The following ZNF83 variants were observed in gnomAD, a reference collection of about 807,000 sequenced individuals.
The protein encoded by ZNF83 is zinc finger protein 816B.
For missense variants in ZNF83, 552 were observed against 629.9 expected (o/e 0.88, Z 1.32); for synonymous variants, 209 against 213.0 (o/e 0.98, Z 0.17).
chr19:52,680,643 C>G (rs372516208), intron 1 of ZNF83, among the ~76,000 whole-genome samples: 2 of 117,980 alleles, frequency 1.7e-5, no homozygotes, highest in Non-Finnish European at 3.2e-5. Flanking sequence ...GACGGAGTCT[C>G]GCTCTGTCGC....
intron 2 of ZNF83, among the ~76,000 whole-genome samples, chr19:52,623,338 T>A (rs565572607): frequency 2.0e-5 from 3 of 152,296 alleles, no homozygotes; most frequent in Middle Eastern, 3.4e-3. Context: ...GGCTAACCAC[T>A]CCACATTACC....
In ZNF83 at chr19:52,614,599, A is replaced by ACACG. The variant is rs2060242537; in HGVS notation, c.-39_-36dup. The ACACG allele has an allele frequency of 6.5e-7, 1 of 1,535,636 alleles. No individual in the cohort carries two copies. Among genetic ancestry groups the ACACG allele is most frequent in the South Asian group, 1.3e-5 (1 of 77,078 alleles). ...ACCAATGAGACTTTCCTTATAGGTCACACGCACTCGCTTATAATGTCTTCA... is the reference window on the plus strand; with the variant it reads ...ACCAATGAGACTTTCCTTATAGGTCACACGCACGCACTCGCTTATAATGTCTTCA... On this transcript the variant is annotated 5_prime_UTR_variant, in exon 3 of 3. It removes the in-frame stop codon of an upstream open reading frame in the 5' UTR. Transcript: ENST00000301096.
At chr19:52,685,209 G>A (rs2061994235) in intron 1 of ZNF83, among the ~76,000 whole-genome samples, 1 of 152,102 alleles carries the variant, frequency 6.6e-6, no homozygotes, top group Non-Finnish European at 1.5e-5. Context: ...CTCAGGGTGA[G>A]CTTTTCTGGT....
In ZNF83 at chr19:52,659,911, C is replaced by T. The variant is rs78623369; in HGVS notation, c.-201+851G>A. On this transcript the variant is annotated intron_variant, in intron 2 of 5. Coordinates refer to the ZNF83 transcript ENST00000594682. ...GTAATATTATCAAGATATTTCTCGG[C>T]TGGGTGGGCGGTAACTCACGCCTGT... 9.2e-5 allele frequency among the ~76,000 whole-genome samples: 14 copies of T among 152,248 alleles called. No homozygotes were observed. In the East Asian group the frequency reaches 2.7e-3, roughly 29 times the overall value.
At chr19:52,644,164 GTTTCTTCCATTCTTCTTTTTTTTTTT>G (rs2061343674) in intron 3 of ZNF83, among the ~76,000 whole-genome samples, 1 of 144,506 alleles carries the variant, frequency 6.9e-6, no homozygotes, top group South Asian at 2.2e-4. Flanking sequence ...CTACAACTCT[GTTTCTTCCATTCTTCTTTTTTTTTTT>G]TTCATTTTTA....
intron 1 of ZNF83, among the ~76,000 whole-genome samples, chr19:52,661,925 C>T (rs2061585702): frequency 6.6e-6 from 1 of 152,088 alleles, no homozygotes; most frequent in Non-Finnish European, 1.5e-5. Flanking sequence ...GAGTCCTAGG[C>T]CGAGGGACAG....
At chr19:52,639,415 A>ATTTTTTTTTTTTTTTTTTTTTT (rs1160711365), upstream of ZNF83, among the ~76,000 whole-genome samples, 4 of 86,308 alleles carry the variant, frequency 4.6e-5, no homozygotes, top group Non-Finnish European at 6.2e-5. Context: ...AGTTTTTTCT[A>ATTTTTTTTTTTTTTTTTTTTTT]TTTTTTTTTT....
At position 52,653,104 on chromosome 19, in the gene ZNF83, G is replaced by A; in HGVS notation, c.-74+2457C>T. On this transcript the variant is annotated intron_variant, in intron 3 of 5. Transcript: ENST00000594682. ...ATGAATTGCCTTATGAATTAGAAGG[G>A]ATGAATTTCGAGCAAAGGTCTTGCC... The A allele has an allele frequency of 2.7e-6, 4 of 1,460,800 alleles. No homozygotes were observed. In the South Asian group the frequency reaches 3.4e-5, roughly 12 times the overall value. The allele number at this position is 1,460,800 out of a possible 1,614,324, so 90.5% of individuals were successfully genotyped here. A position where few individuals can be genotyped will look rare whatever the true frequency, so the allele number is the denominator to read the frequency against.
intron 2 of ZNF83, among the ~76,000 whole-genome samples, chr19:52,619,879 T>C (rs1568534235): frequency 6.6e-6 from 1 of 151,854 alleles, no homozygotes; most frequent in Non-Finnish European, 1.5e-5. Context: ...AGAAACTCCA[T>C]CTCAAAGAAA....
At chr19:52,688,264 G>A (rs897661390) in intron 1 of ZNF83, among the ~76,000 whole-genome samples, 6 of 151,866 alleles carry the variant, frequency 4.0e-5, no homozygotes, top group East Asian at 2.0e-4. Context: ...TGGACCTCCC[G>A]AGCTCAAGTG....
At chr19:52,614,550 C>T (rs147320802) in exon 3 of ZNF83, 36 of 1,595,662 alleles carry the variant, frequency 2.3e-5, no homozygotes, top group Non-Finnish European at 2.9e-5. Context: ...GTGCATCATC[C>T]TTTCTCCCAT....
chr19:52,637,522 C>T (rs530287963), intron 1 of ZNF83, among the ~76,000 whole-genome samples: 2 of 152,090 alleles, frequency 1.3e-5, no homozygotes, highest in Non-Finnish European at 2.9e-5. Flanking sequence ...TCTCCTCCTG[C>T]TTTCTTTTTT....
At chr19:52,629,600 A>C (rs866385780) in intron 2 of ZNF83, among the ~76,000 whole-genome samples, 6 of 151,742 alleles carry the variant, frequency 4.0e-5, no homozygotes, top group African/African-American at 1.5e-4. Flanking sequence ...CCAGCAATTT[A>C]CTCTTAAAAA....
chr19:52,635,446 G>A (rs1246310208), intron 1 of ZNF83: 2 of 187,380 alleles, frequency 1.1e-5, no homozygotes, highest in African/African-American at 2.3e-5. Context: ...GAAACTGGGT[G>A]CAGTGGCTCA....
chr19:52,690,196 A>C (rs3745107), intron 1 of ZNF83, among the ~76,000 whole-genome samples: 12,563 of 149,420 alleles, frequency 0.084, 620 homozygotes, highest in African/African-American at 0.14. Context: ...AAAAAAAAAA[A>C]AACAACAACA....
chr19:52,676,975 G>A (rs1018778274), intron 1 of ZNF83, among the ~76,000 whole-genome samples: 4 of 144,140 alleles, frequency 2.8e-5, no homozygotes, highest in African/African-American at 7.9e-5. Flanking sequence ...AAGTAATCAG[G>A]GACACAAACA....
At chr19:52,656,914 T>C (rs2061513330) in intron 2 of ZNF83, among the ~76,000 whole-genome samples, 1 of 151,448 alleles carries the variant, frequency 6.6e-6, no homozygotes, top group Non-Finnish European at 1.5e-5. Flanking sequence ...AATGCTCTCC[T>C]GGACACATTG....
At chr19:52,663,394 C>G (rs1188817789) in intron 1 of ZNF83, among the ~76,000 whole-genome samples, 1 of 152,188 alleles carries the variant, frequency 6.6e-6, no homozygotes, top group African/African-American at 2.4e-5. Context: ...ATGTTTTCTT[C>G]ATGAACACAT....
intron 1 of ZNF83, among the ~76,000 whole-genome samples, chr19:52,686,563 T>G (rs531954537): frequency 2.6e-5 from 4 of 151,678 alleles, no homozygotes; most frequent in Non-Finnish European, 4.4e-5. Flanking sequence ...ACCCCTTTTA[T>G]TTTTTATTTT....
Sources: gnomAD v4.1 joint callset for allele counts (sites outside exome capture counted in the v4.1 genomes callset) on GRCh38, gnomAD v4.1.1 for gene constraint, MANE v1.5 for transcripts, NCBI Gene and HGNC (gene_info 2026-07-23, HGNC 2026-07-21) for gene names.